Variants in USP25 observed in about 807,000 individuals in gnomAD.
The protein encoded by USP25 is ubiquitin specific peptidase 25, also known as ubiquitin carboxyl-terminal hydrolase 25.
USP25 carries 85 observed loss-of-function variants against 158.5 expected under a neutral mutation model. The observed-to-expected ratio is 0.54, with a 90% CI of 0.45 to 0.64. The LOEUF is 0.64. Among genes scored for constraint, USP25 ranks in the 30% least tolerant of loss-of-function variants. USP25 has a pLI of 0.00. For synonymous variants in USP25, 464 were observed against 460.4 expected, an observed-to-expected ratio of 1.01 and a Z score of -0.10; for missense variants, 1,242 against 1,327.3, an observed-to-expected ratio of 0.94 and a Z score of 1.00.
At chr21:15,797,417 T>C (rs2035914073) in intron 5 of USP25, among the ~76,000 whole-genome samples, 1 of 151,384 alleles carries the variant, frequency 6.6e-6, no homozygotes, top group African/African-American at 2.4e-5. Context: ...AAAACAAGAC[T>C]AATAGCTGAC....
intron 4 of USP25, among the ~76,000 whole-genome samples, chr21:15,787,486 G>T (rs959076916): frequency 2.6e-5 from 4 of 151,740 alleles, no homozygotes; most frequent in Non-Finnish European, 5.9e-5. Flanking sequence ...CTGTTAACTG[G>T]AGTAAATCTA....
intron 2 of USP25, among the ~76,000 whole-genome samples, chr21:15,765,665 G>A (rs1388506797): frequency 1.3e-5 from 2 of 151,996 alleles, no homozygotes; most frequent in Non-Finnish European, 2.9e-5. Context: ...CTTTCGTATG[G>A]CAAGTTCCAG....
At chr21:15,855,332 A>G (rs1031226959) in intron 20 of USP25, among the ~76,000 whole-genome samples, 3 of 152,088 alleles carry the variant, frequency 2.0e-5, no homozygotes, top group South Asian at 2.1e-4. Flanking sequence ...ATGTCTCTTA[A>G]TCACCTTGTT....
intron 21 of USP25, 44 bp from the exon 22 acceptor site, chr21:15,866,214 TATATATAC>T: frequency 9.0e-7 from 1 of 1,110,066 alleles, no homozygotes. Context: ...TATATATATA[TATATATAC>T]ACACACATAC....
intron 1 of USP25, among the ~76,000 whole-genome samples, chr21:15,738,582 G>T (rs954031079): frequency 1.3e-5 from 2 of 152,076 alleles, no homozygotes; most frequent in African/African-American, 4.8e-5. Flanking sequence ...GTGGTCTTTT[G>T]TATGTTAATT....
chr21:15,815,490 A>C (rs1484640467), intron 9 of USP25, among the ~76,000 whole-genome samples: 1 of 152,156 alleles, frequency 6.6e-6, no homozygotes, highest in Non-Finnish European at 1.5e-5. Context: ...GCCAGGAGGG[A>C]GGCTGTACCT....
chr21:15,825,273 A>G (rs2037446324), intron 12 of USP25, among the ~76,000 whole-genome samples: 1 of 152,230 alleles, frequency 6.6e-6, no homozygotes, highest in Non-Finnish European at 1.5e-5. Flanking sequence ...CATTGTCAAC[A>G]GGTAATGTTC....
chr21:15,791,368 A>G (rs2123613549), intron 4 of USP25, 134 bp from the exon 5 acceptor site: 2 of 961,100 alleles, frequency 2.1e-6, no homozygotes, highest in Non-Finnish European at 2.8e-6. Flanking sequence ...GTATTTGAGT[A>G]AAGTTAGTAT....
At chr21:15,791,789 C>G in intron 5 of USP25, 125 bp downstream of exon 5, 2 of 958,590 alleles carry the variant, frequency 2.1e-6, no homozygotes, top group Non-Finnish European at 2.9e-6. Flanking sequence ...ACTATTTTGT[C>G]TAATAAACTA....
intron 1 of USP25, among the ~76,000 whole-genome samples, chr21:15,747,480 A>G (rs983641753): frequency 1.1e-4 from 16 of 152,002 alleles, no homozygotes; most frequent in African/African-American, 3.9e-4. Flanking sequence ...TATATAGTAC[A>G]TATAGTTTTT....
At chr21:15,737,475 C>G (rs941055320) in intron 1 of USP25, among the ~76,000 whole-genome samples, 3 of 152,072 alleles carry the variant, frequency 2.0e-5, no homozygotes, top group Non-Finnish European at 4.4e-5. Context: ...TCGATAATAA[C>G]CTATATCCCT....
chr21:15,846,120 GTGTA>G (rs1479056924), intron 18 of USP25, among the ~76,000 whole-genome samples: 9 of 71,352 alleles, frequency 1.3e-4, no homozygotes, highest in South Asian at 4.7e-4. Context: ...GTGTGTGTGT[GTGTA>G]TATATATATA....
chr21:15,735,982 A>ATGTGTGTG (rs901227357), intron 1 of USP25, among the ~76,000 whole-genome samples: 1 of 119,758 alleles, frequency 8.4e-6, no homozygotes, highest in Non-Finnish European at 1.9e-5. Flanking sequence ...GTGTGTGTGT[A>ATGTGTGTG]TGTGTGTGTG....
chr21:15,808,631 T>G (rs1362411468), intron 7 of USP25, among the ~76,000 whole-genome samples, 178 bp from the exon 8 acceptor site: 2 of 152,058 alleles, frequency 1.3e-5, no homozygotes, highest in Non-Finnish European at 2.9e-5. Context: ...TTCAAATATC[T>G]TATATCCTGG....
At chr21:15,809,872 T>C (rs775616686) in intron 8 of USP25, among the ~76,000 whole-genome samples, 23 of 152,168 alleles carry the variant, frequency 1.5e-4, no homozygotes, top group Middle Eastern at 3.4e-3. Flanking sequence ...CTTGAAGATA[T>C]TATGCCACGT....
chr21:15,747,252 G>A (rs2032631847), intron 1 of USP25, among the ~76,000 whole-genome samples: 2 of 152,170 alleles, frequency 1.3e-5, no homozygotes, highest in South Asian at 4.1e-4. Flanking sequence ...AAGACCCCCA[G>A]TGGATGCCTG....
chr21:15,818,369 A>C (rs961896497), intron 9 of USP25, among the ~76,000 whole-genome samples: 2 of 152,226 alleles, frequency 1.3e-5, no homozygotes, highest in African/African-American at 4.8e-5. Flanking sequence ...TTCTCAGCTC[A>C]GGGACCATAT....
At chr21:15,748,097 G>C (rs1404822793) in intron 1 of USP25, among the ~76,000 whole-genome samples, 1 of 152,064 alleles carries the variant, frequency 6.6e-6, no homozygotes, top group Non-Finnish European at 1.5e-5. Flanking sequence ...CATTCCACTT[G>C]GGTTTGATTT....
intron 23 of USP25, among the ~76,000 whole-genome samples, chr21:15,873,895 T>C (rs1186517336): frequency 6.6e-6 from 1 of 151,866 alleles, no homozygotes; most frequent in East Asian, 1.9e-4. Context: ...CTCTATTTCC[T>C]TTAGATATTC....
Sources: gnomAD v4.1 joint callset for allele counts (sites outside exome capture counted in the v4.1 genomes callset) on GRCh38, gnomAD v4.1.1 for gene constraint, MANE v1.5 for transcripts, NCBI Gene and HGNC (gene_info 2026-07-23, HGNC 2026-07-21) for gene names.